SPMIP2: variants seen among roughly 807,000 people sequenced by gnomAD.
SPMIP2 encodes protein SPMIP2.
chr4:158,989,639 C>A, the SPMIP2 span, among the ~76,000 whole-genome samples: 1 of 152,132 alleles, frequency 6.6e-6, no homozygotes, highest in African/African-American at 2.4e-5. Flanking sequence ...GAAAGGATTC[C>A]CTATTTAATA....
the SPMIP2 span, among the ~76,000 whole-genome samples, chr4:158,946,521 T>TC: frequency 6.6e-6 from 1 of 151,992 alleles, no homozygotes; most frequent in Admixed American, 6.6e-5. Flanking sequence ...GTTTGGCACC[T>TC]CCCCCCTGCC....
chr4:158,928,781 G>C, the SPMIP2 span, among the ~76,000 whole-genome samples: 1 of 151,950 alleles, frequency 6.6e-6, no homozygotes, highest in Non-Finnish European at 1.5e-5. Flanking sequence ...TAAGGTCTGC[G>C]GCTTCACTCC....
At chr4:158,976,673 T>TTTTTTTC in the SPMIP2 span, among the ~76,000 whole-genome samples, 1 of 141,288 alleles carries the variant, frequency 7.1e-6, no homozygotes, top group African/African-American at 2.7e-5. Context: ...TTTTTTTTTT[T>TTTTTTTC]TTTTTTTTTT....
At chr4:159,051,981 T>A in the SPMIP2 span, among the ~76,000 whole-genome samples, 1 of 151,818 alleles carries the variant, frequency 6.6e-6, no homozygotes, top group Non-Finnish European at 1.5e-5. Flanking sequence ...ACCCTCCAGC[T>A]ACCTACTATC....
chr4:158,969,685 A>C, the SPMIP2 span, among the ~76,000 whole-genome samples: 4 of 152,156 alleles, frequency 2.6e-5, no homozygotes, highest in Non-Finnish European at 4.4e-5. Context: ...AACCATTCCC[A>C]GGTAGGAGGC....
the SPMIP2 span, among the ~76,000 whole-genome samples, chr4:158,933,767 G>A: frequency 6.6e-6 from 1 of 151,740 alleles, no homozygotes; most frequent in Non-Finnish European, 1.5e-5. Context: ...CTTTACCATT[G>A]GTATTTTCTA....
chr4:158,913,519 G>A, the SPMIP2 span, among the ~76,000 whole-genome samples: 2 of 152,118 alleles, frequency 1.3e-5, no homozygotes. Flanking sequence ...ACCACCATCT[G>A]CTATTTAGTA....
chr4:159,005,164 G>A, the SPMIP2 span, among the ~76,000 whole-genome samples: 11 of 148,288 alleles, frequency 7.4e-5, no homozygotes, highest in South Asian at 2.4e-3. Flanking sequence ...CCAGGTTGCA[G>A]TGAGCCGAGA....
chr4:158,939,337 C>A, the SPMIP2 span, among the ~76,000 whole-genome samples: 1 of 152,156 alleles, frequency 6.6e-6, no homozygotes, highest in East Asian at 1.9e-4. Flanking sequence ...ATCCATAGAA[C>A]TAATCATTCA....
chr4:158,921,062 C>T, the SPMIP2 span, among the ~76,000 whole-genome samples: 2 of 152,140 alleles, frequency 1.3e-5, no homozygotes, highest in Non-Finnish European at 2.9e-5. Context: ...ATAGAAAGAA[C>T]CTACGTTGAA....
chr4:158,956,905 C>A, the SPMIP2 span, among the ~76,000 whole-genome samples: 4 of 152,086 alleles, frequency 2.6e-5, no homozygotes, highest in Non-Finnish European at 4.4e-5. Flanking sequence ...AAAATGAAAT[C>A]GTCTCCTGGC....
At chr4:159,042,440 G>T in the SPMIP2 span, among the ~76,000 whole-genome samples, 3 of 152,166 alleles carry the variant, frequency 2.0e-5, no homozygotes, top group African/African-American at 7.2e-5. Context: ...CTGCCACTAG[G>T]CTTCTGGCTA....
At chr4:159,038,963 A>G in the SPMIP2 span, among the ~76,000 whole-genome samples, 4 of 152,078 alleles carry the variant, frequency 2.6e-5, no homozygotes, top group African/African-American at 9.7e-5. Context: ...TGATGGTTTT[A>G]TAGTCTTATT....
chr4:159,044,368 C>CA, the SPMIP2 span, among the ~76,000 whole-genome samples: 1,324 of 100,008 alleles, frequency 0.013, 15 homozygotes, highest in Non-Finnish European at 0.019. Flanking sequence ...GACTCCATCT[C>CA]AAAAAAAAAA....
chr4:159,014,252 A>T, the SPMIP2 span, among the ~76,000 whole-genome samples: 2 of 152,144 alleles, frequency 1.3e-5, no homozygotes. Context: ...CAGGAAATGG[A>T]GACCAGCCTG....
the SPMIP2 span, among the ~76,000 whole-genome samples, chr4:158,994,254 A>C: frequency 7.9e-5 from 12 of 152,238 alleles, no homozygotes; most frequent in Admixed American, 7.2e-4. Flanking sequence ...TGAATAAGTA[A>C]GTGAATTGTT....
chr4:158,995,671 ACAT>A, the SPMIP2 span, among the ~76,000 whole-genome samples: 3 of 152,134 alleles, frequency 2.0e-5, no homozygotes, highest in Non-Finnish European at 4.4e-5. Context: ...ATCCTGGCCA[ACAT>A]AGTGAAACCC....
At chr4:158,952,307 G>C in the SPMIP2 span, among the ~76,000 whole-genome samples, 1 of 152,168 alleles carries the variant, frequency 6.6e-6, no homozygotes, top group South Asian at 2.1e-4. Flanking sequence ...ATTCCCACAT[G>C]TTGTGGGAAG....
the SPMIP2 span, among the ~76,000 whole-genome samples, chr4:159,008,259 A>G: frequency 1.3e-4 from 20 of 152,238 alleles, no homozygotes; most frequent in Non-Finnish European, 2.6e-4. Context: ...ACATATCTAC[A>G]TCACAGAGTT....
Sources: allele counts gnomAD v4.1 joint callset (sites outside exome capture counted in the v4.1 genomes callset), GRCh38; gene constraint gnomAD v4.1.1; transcripts MANE v1.5; gene names NCBI Gene and HGNC (gene_info 2026-07-23, HGNC 2026-07-21).